PCDHGA11: variants seen among roughly 807,000 people sequenced by gnomAD.
PCDHGA11 encodes the protein protocadherin gamma-A11.
A neutral mutation model predicts 60.4 loss-of-function variants in PCDHGA11; 39 were observed. The observed-to-expected ratio is 0.65, with a 90% confidence interval of 0.50 to 0.84. The LOEUF is 0.84. PCDHGA11 is among the 40% of genes least tolerant of loss of function. PCDHGA11 has a pLI of 0.00. For synonymous variants in PCDHGA11, 533 were observed against 510.3 expected (o/e 1.04, Z -0.60); for missense variants, 1,165 against 1,197.7 (o/e 0.97, Z 0.40).
intron 1 of PCDHGA11, among the ~76,000 whole-genome samples, chr5:141,438,511 C>G (rs1436337566): frequency 6.8e-6 from 1 of 146,550 alleles, no homozygotes; most frequent in Non-Finnish European, 1.5e-5. Context: ...AGTGCAAAAC[C>G]AATTATTTTA....
Position 141,489,471 on chromosome 5 carries a change from G to A in PCDHGA11, c.2434-5336G>A. ...AGGAGAATGGGCGCTATTTTTCCCT[G>A]AGCTTGATGAGTGGTGCCCTGGCAG... On this transcript the variant is annotated intron_variant, in intron 1 of 3. Transcript: ENST00000398587. This position sits in a 1 kb window ranked among gnomAD's most constrained non-coding sequence, Gnocchi z 4.5. 1 of 1,614,074 alleles carries A rather than the reference G, an allele frequency of 6.2e-7. No homozygotes were observed. The highest frequency in any genetic ancestry group is 8.5e-7 in the Non-Finnish European group (1 of 1,180,026).
chr5:141,492,691 C>G (rs2099743102), intron 1 of PCDHGA11, among the ~76,000 whole-genome samples: 1 of 152,274 alleles, frequency 6.6e-6, no homozygotes, highest in South Asian at 2.1e-4. Flanking sequence ...TCGGCGACCC[C>G]TCAACCCAGA....
In PCDHGA11 at chr5:141,491,425, C is replaced by CA; in HGVS notation, c.2434-3381dup. The CA allele has an allele frequency of 6.2e-7, 1 of 1,614,076 alleles. No homozygotes were observed. The highest frequency in any genetic ancestry group is 8.5e-7 in the Non-Finnish European group (1 of 1,179,996). On this transcript the variant is annotated intron_variant, in intron 1 of 3. Coordinates refer to ENST00000398587, the MANE Select transcript of PCDHGA11 (RefSeq NM_018914.3). The surrounding 1 kb of genome is among the most constrained non-coding windows in gnomAD (Gnocchi z 6.9). ...CGCAGACGGGGACGGGGGTGGAGGG[C>CA]AGTGCTGCAGGCGCCAGGACTCACC...
chr5:141,438,617 TATATATATATATATATATACACAC>T (rs1311176771), intron 1 of PCDHGA11, among the ~76,000 whole-genome samples: 58 of 37,154 alleles, frequency 1.6e-3, no homozygotes, highest in African/African-American at 7.8e-3. Flanking sequence ...TATATATATA[TATATATATATATATATATACACAC>T]ACACACACAC....
At position 141,491,578 on chromosome 5, in the gene PCDHGA11, C is replaced by T. The variant is rs1438933474; in HGVS notation, c.2434-3229C>T. 7.4e-6 allele frequency: 12 copies of T among 1,613,888 alleles called. No homozygotes were observed. The highest frequency in any genetic ancestry group is 1.0e-5 in the Non-Finnish European group (12 of 1,180,044). On this transcript the variant is annotated intron_variant, in intron 1 of 3. Coordinates refer to ENST00000398587, the MANE Select transcript of PCDHGA11 (RefSeq NM_018914.3). This position sits in a 1 kb window ranked among gnomAD's most constrained non-coding sequence, Gnocchi z 6.9. ...CCACTGCTACAGGACGTGCTTTTCA[C>T]CGGCCTCGGACGGCAGTGACTTCAC...
intron 2 of PCDHGA11, among the ~76,000 whole-genome samples, chr5:141,504,369 A>G (rs968327872): frequency 6.6e-5 from 10 of 152,272 alleles, no homozygotes; most frequent in Non-Finnish European, 1.2e-4. Context: ...AGTAGGAAGC[A>G]GGTGGAGTCG....
rs1427934561 is a variant in PCDHGA11, at chr5:141,511,140, CAAG to C, written c.2782_2784del (p.Lys928del). The stretch of plus-strand genomic sequence containing the variant: ...AGGCCCCAGCAGGTGGCAATGGCAA[CAAG>C]AAGAAGTCGGGCAAGAAGGAGAAGA... On this transcript the variant is annotated inframe_deletion, in exon 4 of 4. Coordinates refer to ENST00000398587, the MANE Select transcript of PCDHGA11 (RefSeq NM_018914.3). 9 of 1,614,186 alleles carry C rather than the reference CAAG, an allele frequency of 5.6e-6. No individual in the cohort carries two copies. The East Asian group carries it at 6.7e-5, about 12-fold the overall frequency.
At chr5:141,426,442 G>A (rs1205822455) in intron 1 of PCDHGA11, 9 of 306,752 alleles carry the variant, frequency 2.9e-5, no homozygotes, top group African/African-American at 4.3e-5. Context: ...CCTTGCGGAG[G>A]ACATGCGGCT....
chr5:141,430,997 C>G, intron 1 of PCDHGA11: 1 of 1,613,926 alleles, frequency 6.2e-7, no homozygotes. Context: ...CCTGAATCCG[C>G]GCAGCGGCAG....
chr5:141,431,658 C>T lies in PCDHGA11; in HGVS notation c.2433+7998C>T, dbSNP rs1283381348. 6.2e-7 allele frequency: 1 copy of T among 1,614,088 alleles called. No individual in the cohort carries two copies. ...TTCAAACTAGATTGTAATTCAGGGA[C>T]AATATCAACAATAGGGGAGTTGGAC... On this transcript the variant is annotated intron_variant, in intron 1 of 3. Transcript: ENST00000398587. The surrounding 1 kb of genome is among the most constrained non-coding windows in gnomAD (Gnocchi z 4.8).
chr5:141,467,203 C>T (rs896621746), intron 1 of PCDHGA11, among the ~76,000 whole-genome samples: 1 of 152,052 alleles, frequency 6.6e-6, no homozygotes, highest in African/African-American at 2.4e-5. Flanking sequence ...CAGGCACATG[C>T]CACCATGCCT....
chr5:141,430,924 G>A (rs1217400258), intron 1 of PCDHGA11: 1 of 1,607,462 alleles, frequency 6.2e-7, no homozygotes, highest in Admixed American at 1.7e-5. Context: ...TGGGGCTGGA[G>A]CCCCGGGAGC....
chr5:141,473,763 GGATTTGGT>G (rs1358359618), intron 1 of PCDHGA11, among the ~76,000 whole-genome samples: 73 of 152,322 alleles, frequency 4.8e-4, no homozygotes, highest in African/African-American at 1.7e-3. Context: ...ACTATGCAAA[GGATTTGGT>G]ATTTTAATTC....
chr5:141,511,041 C>T lies in PCDHGA11; in HGVS notation c.2676C>T (p.Pro892=), dbSNP rs1421629777. 1.5e-5 allele frequency: 24 copies of T among 1,614,076 alleles called. No individual in the cohort carries two copies. The highest frequency in any genetic ancestry group is 5.5e-5 in the South Asian group (5 of 91,092). Residue 892 remains proline, a synonymous_variant, in exon 4 of 4, where the codon CCC becomes CCT. Transcript: ENST00000398587. The part of the protein sequence containing the change: ...YGPQFTLQHV[P]DYRQNVYIPG... ...CCCAGTTCACCCTGCAGCACGTGCCCGACTACCGCCAGAATGTCTACATCC... is the reference window on the plus strand; with the variant it reads ...CCCAGTTCACCCTGCAGCACGTGCCTGACTACCGCCAGAATGTCTACATCC...
intron 1 of PCDHGA11, among the ~76,000 whole-genome samples, chr5:141,444,012 G>T (rs1355186604): frequency 1.3e-5 from 2 of 152,058 alleles, no homozygotes; most frequent in African/African-American, 4.8e-5. Flanking sequence ...CTGGGTATTG[G>T]CTTCTAAAAG....
Position 141,447,603 on chromosome 5 carries a change from T to G in PCDHGA11, c.2433+23943T>G, listed in dbSNP as rs146950525. On this transcript the variant is annotated intron_variant, in intron 1 of 3. Transcript: ENST00000398587. ...ATACCTTAAACATCCTATAGAGTCC[T>G]TAGCATTTTAAAGTTGAAACCAACA... Among the ~76,000 whole-genome samples, 378 of 152,270 alleles carry G rather than the reference T, an allele frequency of 2.5e-3. 1 individual carries two copies. Among genetic ancestry groups the G allele is most frequent in the Non-Finnish European group, 4.5e-3 (309 of 68,030 alleles).
chr5:141,428,057 G>C (rs766786963), intron 1 of PCDHGA11: 2 of 1,609,044 alleles, frequency 1.2e-6, no homozygotes, highest in East Asian at 2.2e-5. Flanking sequence ...AGGTGGTGGC[G>C]GTGGACGCAG....
At chr5:141,464,748 T>C (rs995568259) in intron 1 of PCDHGA11, among the ~76,000 whole-genome samples, 2 of 152,190 alleles carry the variant, frequency 1.3e-5, no homozygotes, top group Admixed American at 1.3e-4. Context: ...TATCTTTTTG[T>C]TTTTTTAGAG....
intron 1 of PCDHGA11, among the ~76,000 whole-genome samples, chr5:141,449,607 A>G (rs1279835785): frequency 1.3e-5 from 2 of 149,984 alleles, no homozygotes; most frequent in African/African-American, 4.9e-5. Flanking sequence ...AAAAAAAAAA[A>G]GTAAAAAAGT....
Sources: allele counts gnomAD v4.1 joint callset (sites outside exome capture counted in the v4.1 genomes callset), GRCh38; gene constraint gnomAD v4.1.1; non-coding constraint Gnocchi (gnomAD v3.1); transcripts MANE v1.5; gene names NCBI Gene and HGNC (gene_info 2026-07-23, HGNC 2026-07-21).